EIF2AK4: variants seen among roughly 807,000 people sequenced by gnomAD.
EIF2AK4 encodes eukaryotic translation initiation factor 2 alpha kinase 4.
In EIF2AK4, 139 loss-of-function variants were observed where a neutral mutation model predicts 211.1. The observed-to-expected ratio is 0.66, with a 90% CI of 0.57 to 0.76. The LOEUF is 0.76. EIF2AK4 is among the 30% of genes least tolerant of loss of function. The probability of loss-of-function intolerance (pLI) is 0.00; values close to 1 mark genes in which losing one functional copy is unlikely to be tolerated. For synonymous variants in EIF2AK4, 710 were observed against 751.3 expected (o/e 0.94, Z 0.90); for missense variants, 1,664 against 2,043.8 (o/e 0.81, Z 3.58).
At chr15:39,998,180 T>G (rs1328227154) in intron 19 of EIF2AK4, among the ~76,000 whole-genome samples, 4 of 151,902 alleles carry the variant, frequency 2.6e-5, no homozygotes, top group Non-Finnish European at 5.9e-5. Flanking sequence ...TCATGTTTAT[T>G]TACCAGAAAG....
At chr15:39,994,601 C>G (rs902021131) in intron 18 of EIF2AK4, among the ~76,000 whole-genome samples, 1 of 152,088 alleles carries the variant, frequency 6.6e-6, no homozygotes, top group Non-Finnish European at 1.5e-5. Flanking sequence ...GGAGCAAGAC[C>G]CTGTCTGAAT....
At chr15:39,967,969 G>C in intron 9 of EIF2AK4, 90 bp downstream of exon 9, 1 of 1,336,492 alleles carries the variant, frequency 7.5e-7, no homozygotes, top group Non-Finnish European at 1.0e-6. Flanking sequence ...TGATGTGGAA[G>C]CTGAGAAGTG....
In EIF2AK4 at chr15:39,997,014, C is replaced by T. The variant is rs2035027001; in HGVS notation, c.2817C>T (p.His939=). ...TTATCTTCTTTGAGATGTCCTATCA[C>T]CCCATGGTCACGGCTTCAGAAAGGA... ...LGIIFFEMSY[H]PMVTASERIF... The change falls in exon 19 of 39, where the codon CAC becomes CAT. Residue 939 remains histidine (H), a synonymous_variant. Transcript: ENST00000263791. 4 of 1,613,962 alleles carry T rather than the reference C, an allele frequency of 2.5e-6. No homozygotes were observed. Among genetic ancestry groups the T allele is most frequent in the Admixed American group, 3.3e-5 (2 of 60,006 alleles).
chr15:39,972,275 G>A (rs369418609), intron 9 of EIF2AK4, among the ~76,000 whole-genome samples: 34 of 151,554 alleles, frequency 2.2e-4, no homozygotes, highest in African/African-American at 7.5e-4. Flanking sequence ...GCTTGAGCCC[G>A]GGAGGCAGAA....
rs751239303 is a variant in EIF2AK4 at position 39,967,555 on chromosome 15, T to C, written c.1229T>C (p.Leu410Pro). 6.2e-7 allele frequency: 1 copy of C among 1,613,928 alleles called. No homozygotes were observed. The highest frequency in any genetic ancestry group is 1.1e-5 in the South Asian group (1 of 91,062). ...HQLRRYTAQL[L>P]SGLDYLHSNS... is the part of the protein sequence containing the mutation. ...CTTCGCAGGTACACAGCTCAGCTCCTGTCAGGCCTTGATTATCTGCACAGC... is the reference window on the plus strand; with the variant it reads ...CTTCGCAGGTACACAGCTCAGCTCCCGTCAGGCCTTGATTATCTGCACAGC... Residue 410 changes from leucine to proline, a missense_variant, in exon 9 of 39, where the codon CTG becomes CCG. Leu to Pro is a moderately conservative substitution (Grantham distance 98, BLOSUM62 -3). Coordinates refer to ENST00000263791, the MANE Select transcript of EIF2AK4 (RefSeq NM_001013703.4).
intron 3 of EIF2AK4, among the ~76,000 whole-genome samples, chr15:39,944,729 G>C (rs775788197): frequency 1.3e-5 from 2 of 151,920 alleles, no homozygotes; most frequent in African/African-American, 4.8e-5. Flanking sequence ...CACCGCACCC[G>C]GCCAACGATC....
At chr15:40,015,409 G>A (rs138660980) in intron 27 of EIF2AK4, among the ~76,000 whole-genome samples, 1 of 152,322 alleles carries the variant, frequency 6.6e-6, no homozygotes, top group Non-Finnish European at 1.5e-5. Flanking sequence ...GTCTTACATG[G>A]TTGGCAGCAG....
At chr15:39,939,752 A>G (rs568121509) in intron 2 of EIF2AK4, 135 bp downstream of exon 2, 1 of 596,854 alleles carries the variant, frequency 1.7e-6, no homozygotes, top group Admixed American at 3.4e-5. Flanking sequence ...TATTTCAACA[A>G]AACTACATCA....
intron 33 of EIF2AK4, 63 bp from the exon 34 acceptor site, chr15:40,029,343 A>G (rs913957022): frequency 8.8e-6 from 14 of 1,593,630 alleles, no homozygotes; most frequent in Non-Finnish European, 1.1e-5. Flanking sequence ...AGTTCACTGT[A>G]AGTTATGTGT....
intron 30 of EIF2AK4, among the ~76,000 whole-genome samples, chr15:40,020,365 C>T (rs1190501411): frequency 4.0e-5 from 6 of 149,314 alleles, no homozygotes; most frequent in East Asian, 1.9e-4. Context: ...TTACTGTGGC[C>T]GAGCATGGTG....
chr15:39,977,426 C>T (rs1271919436), intron 12 of EIF2AK4: 1 of 152,326 alleles, frequency 6.6e-6, no homozygotes, highest in Non-Finnish European at 1.5e-5. Context: ...GCTGATCTGA[C>T]AGGAGGTGGA....
At chr15:39,991,972 C>T in intron 16 of EIF2AK4, 1 of 475,196 alleles carries the variant, frequency 2.1e-6, no homozygotes, top group Non-Finnish European at 3.7e-6. Context: ...GATTGCCCCC[C>T]TCCCTCTTGA....
Position 39,985,960 on chromosome 15 carries a change from T to C in EIF2AK4, c.2403+72T>C, listed in dbSNP as rs1595410389. The C allele has an allele frequency of 3.0e-6, 4 of 1,338,584 alleles. No individual in the cohort carries two copies. The South Asian group carries it at 3.7e-5, about 12-fold the overall frequency. The allele number at this position is 1,338,584 out of a possible 1,614,324, so 82.9% of individuals were successfully genotyped here. A position where few individuals can be genotyped will look rare whatever the true frequency, so the allele number is the denominator to read the frequency against. On this transcript the variant is annotated intron_variant, in intron 14 of 38. Coordinates refer to ENST00000263791, the MANE Select transcript of EIF2AK4 (RefSeq NM_001013703.4). The stretch of plus-strand genomic sequence containing the variant: ...GGCGGGTGGGCCTGTTTCAGGGTAT[T>C]AGAACAAGATAATGGACAGAGGAGG...
intron 3 of EIF2AK4, among the ~76,000 whole-genome samples, chr15:39,944,415 C>T (rs1566980918): frequency 6.9e-6 from 1 of 144,434 alleles, no homozygotes; most frequent in Non-Finnish European, 1.5e-5. Context: ...TGCCTGGCAG[C>T]TTATGTTTAA....
At position 40,016,547 on chromosome 15, in the gene EIF2AK4, G is replaced by T. The variant is rs747117940; in HGVS notation, c.3805G>T (p.Asp1269Tyr). ...KFIEQKGDLQ[D>Y]LMPTINSLIK... ...TATTGAACAGAAGGGAGATTTGCAA[G>T]ATCTTATGCCAACAATAAATTCATT... Residue 1269 changes from aspartate (D) to tyrosine (Y), a missense_variant, in exon 28 of 39, where the codon GAT (aspartate) becomes TAT (tyrosine). Asp to Tyr is a radical substitution (Grantham distance 160). Coordinates refer to ENST00000263791, the MANE Select transcript of EIF2AK4 (RefSeq NM_001013703.4). 15 of 1,614,070 alleles carry T rather than the reference G, an allele frequency of 9.3e-6. No homozygotes were observed. The highest frequency in any genetic ancestry group is 1.3e-5 in the Non-Finnish European group (15 of 1,180,034).
intron 17 of EIF2AK4, chr15:39,992,531 T>A: frequency 1.7e-6 from 1 of 578,464 alleles, no homozygotes; most frequent in Non-Finnish European, 3.1e-6. Context: ...CCATCTGGGG[T>A]CTTATCTGGC....
intron 24 of EIF2AK4, 78 bp from the exon 25 acceptor site, chr15:40,007,949 A>G (rs1228309544): frequency 4.7e-5 from 55 of 1,159,350 alleles, no homozygotes; most frequent in Non-Finnish European, 6.2e-5. Flanking sequence ...TTTGTTTCTT[A>G]TATCTTGTTC....
chr15:39,937,605 G>A (rs1333806441), intron 1 of EIF2AK4, among the ~76,000 whole-genome samples: 1 of 151,734 alleles, frequency 6.6e-6, no homozygotes, highest in Non-Finnish European at 1.5e-5. Flanking sequence ...TGGTCCCTGT[G>A]GGTTTTTTTT....
At chr15:40,005,542 G>A (rs1244607271) in intron 23 of EIF2AK4, among the ~76,000 whole-genome samples, 2 of 150,856 alleles carry the variant, frequency 1.3e-5, no homozygotes, top group East Asian at 3.9e-4. Context: ...TGTACATAAG[G>A]TATACTGTGT....
Sources: allele counts gnomAD v4.1 joint callset (sites outside exome capture counted in the v4.1 genomes callset), GRCh38; gene constraint gnomAD v4.1.1; transcripts MANE v1.5; gene names NCBI Gene and HGNC (gene_info 2026-07-23, HGNC 2026-07-21).